Variants in EXT1 observed in about 807,000 individuals in gnomAD.
EXT1 encodes exostosin-1.
Under a neutral mutation model 82.5 loss-of-function variants are expected in EXT1, and 20 were observed. That is an observed-to-expected ratio of 0.24 (90% CI 0.17 to 0.35). The LOEUF (loss-of-function observed/expected upper bound fraction) is 0.35. EXT1 is among the 10% of genes least tolerant of loss of function. EXT1 has a pLI of 1.00. For missense variants in EXT1, 757 were observed against 936.5 expected (o/e 0.81, Z 2.50); for synonymous variants, 348 against 350.8 (o/e 0.99, Z 0.09).
At chr8:117,850,822 T>C (rs11781699) in intron 1 of EXT1, among the ~76,000 whole-genome samples, 22,244 of 152,130 alleles carry the variant, frequency 0.15, 2,127 homozygotes, top group Non-Finnish European at 0.19. Context: ...TAACAGTGAC[T>C]CAGGCAGCCT....
At chr8:117,995,071 G>T (rs1417472479) in intron 1 of EXT1, among the ~76,000 whole-genome samples, 1 of 152,190 alleles carries the variant, frequency 6.6e-6, no homozygotes, top group Non-Finnish European at 1.5e-5. Context: ...CTAACTATGG[G>T]TTCTCACCAT....
At chr8:117,930,157 A>G (rs1814029977) in intron 1 of EXT1, among the ~76,000 whole-genome samples, 1 of 152,036 alleles carries the variant, frequency 6.6e-6, no homozygotes, top group Non-Finnish European at 1.5e-5. Flanking sequence ...CAAATGGGTG[A>G]TCTTGTCATT....
intron 1 of EXT1, among the ~76,000 whole-genome samples, chr8:117,883,809 G>A (rs940616361): frequency 4.6e-5 from 7 of 152,210 alleles, no homozygotes; most frequent in Non-Finnish European, 1.0e-4. Flanking sequence ...CCAGGCAGCC[G>A]TCTAACAGCA....
intron 1 of EXT1, among the ~76,000 whole-genome samples, chr8:117,919,658 C>T (rs897265660): frequency 6.6e-6 from 1 of 151,962 alleles, no homozygotes; most frequent in African/African-American, 2.4e-5. Flanking sequence ...GCACGTGCTA[C>T]TATATTTGGC....
chr8:117,973,884 A>AG (rs1815006307), intron 1 of EXT1, among the ~76,000 whole-genome samples: 1 of 73,638 alleles, frequency 1.4e-5, no homozygotes, highest in South Asian at 5.2e-4. Context: ...AGGAAAGGAA[A>AG]GGAAGGAAAG....
rs561248321 is a variant in EXT1 at position 118,072,202 on chromosome 8, C to T, written c.962+37883G>A. Among the ~76,000 whole-genome samples the T allele has an allele frequency of 3.3e-5, 5 of 152,298 alleles. 1 individual carries two copies. The highest frequency in any genetic ancestry group is 1.2e-4 in the African/African-American group (5 of 41,560). ...GAAATTAGTTGATACCTGTAAAGCT[C>T]TTAGACCAGTTCCCTGACCTACAGT... On this transcript the variant is annotated intron_variant, in intron 1 of 10. Transcript: ENST00000378204.
In EXT1 at chr8:118,000,249, T is replaced by C. The variant is rs578078272; in HGVS notation, c.962+109836A>G. Among the ~76,000 whole-genome samples the C allele has an allele frequency of 4.5e-4, 68 of 152,340 alleles. No individual in the cohort carries two copies. The South Asian group carries it at 0.013, about 28-fold the overall frequency. On this transcript the variant is annotated intron_variant, in intron 1 of 10. Coordinates refer to ENST00000378204, the MANE Select transcript of EXT1 (RefSeq NM_000127.3). ...GGAAGGGCATCAGCATTAGGAAACA[T>C]GAGCCAGTCCATCTCACCTAGACAA...
intron 1 of EXT1, among the ~76,000 whole-genome samples, chr8:117,969,284 T>C (rs1814891844): frequency 6.6e-6 from 1 of 152,212 alleles, no homozygotes; most frequent in Non-Finnish European, 1.5e-5. Flanking sequence ...AATAAACAAG[T>C]AGATTGTCCT....
chr8:118,037,699 C>T (rs1422873238), intron 1 of EXT1, among the ~76,000 whole-genome samples: 2 of 152,046 alleles, frequency 1.3e-5, no homozygotes, highest in South Asian at 2.1e-4. Context: ...CACTGAAAAC[C>T]GAAAGACTCA....
intron 1 of EXT1, among the ~76,000 whole-genome samples, chr8:117,853,130 T>C (rs1281886418): frequency 6.6e-6 from 1 of 152,240 alleles, no homozygotes; most frequent in Non-Finnish European, 1.5e-5. Flanking sequence ...ACGAAGTATG[T>C]GTACCATAAT....
chr8:117,995,202 T>G (rs1815511987), intron 1 of EXT1, among the ~76,000 whole-genome samples: 1 of 152,178 alleles, frequency 6.6e-6, no homozygotes, highest in Admixed American at 6.6e-5. Flanking sequence ...CCCAGCACTT[T>G]TTGACATCAG....
At chr8:118,011,724 T>TA (rs1211274547) in intron 1 of EXT1, among the ~76,000 whole-genome samples, 1 of 152,208 alleles carries the variant, frequency 6.6e-6, no homozygotes, top group Non-Finnish European at 1.5e-5. Flanking sequence ...CTCTGGCTCC[T>TA]AAGGCTTTCA....
chr8:117,880,594 C>CTTTTTTT (rs58814828), intron 1 of EXT1, among the ~76,000 whole-genome samples: 1 of 142,554 alleles, frequency 7.0e-6, no homozygotes, highest in Non-Finnish European at 1.5e-5. Context: ...CCTCTTTTTT[C>CTTTTTTT]TTTTTTTTTT....
rs921001845 is a variant in EXT1, at chr8:117,888,892, A to G, written c.963-51691T>C. On this transcript the variant is annotated intron_variant, in intron 1 of 10. Transcript: ENST00000378204. ...CCTATCTTCAAACCTCAGCCTGCCC[A>G]TGCCTGTGCTCTTTCTGCTATTAAT... Among the ~76,000 whole-genome samples the G allele has an allele frequency of 2.0e-5, 3 of 152,308 alleles. No individual in the cohort carries two copies. The East Asian group carries it at 5.8e-4, about 29-fold the overall frequency.
At chr8:117,897,973 A>T (rs1813374476) in intron 1 of EXT1, among the ~76,000 whole-genome samples, 2 of 152,266 alleles carry the variant, frequency 1.3e-5, no homozygotes, top group Middle Eastern at 3.4e-3. Flanking sequence ...TAAGAATATT[A>T]TTGAACATAA....
chr8:117,935,913 C>T (rs1189330787), intron 1 of EXT1, among the ~76,000 whole-genome samples: 1 of 152,008 alleles, frequency 6.6e-6, no homozygotes, highest in African/African-American at 2.4e-5. Flanking sequence ...TTCAAAGCTC[C>T]CTGGTCCTGG....
chr8:117,929,383 C>T (rs566980340), intron 1 of EXT1, among the ~76,000 whole-genome samples: 24 of 152,320 alleles, frequency 1.6e-4, no homozygotes, highest in South Asian at 2.1e-4. Flanking sequence ...AAATATGATA[C>T]GAGCACTTCC....
intron 1 of EXT1, among the ~76,000 whole-genome samples, chr8:117,943,650 C>A (rs1420096990): frequency 6.6e-6 from 1 of 152,196 alleles, no homozygotes; most frequent in Non-Finnish European, 1.5e-5. Flanking sequence ...AGATCACAAT[C>A]ACCAGGAATA....
intron 1 of EXT1, among the ~76,000 whole-genome samples, chr8:118,019,566 A>G (rs760747730): frequency 1.3e-5 from 2 of 152,224 alleles, no homozygotes; most frequent in African/African-American, 2.4e-5. Flanking sequence ...GTGACTATTC[A>G]TCGTACATCG....
Sources: gnomAD v4.1 joint callset for allele counts (sites outside exome capture counted in the v4.1 genomes callset) on GRCh38, gnomAD v4.1.1 for gene constraint, MANE v1.5 for transcripts, NCBI Gene and HGNC (gene_info 2026-07-23, HGNC 2026-07-21) for gene names.